Variants in LIPA observed in about 807,000 individuals in gnomAD.
The protein encoded by LIPA is lipase A, lysosomal acid type.
Under a neutral mutation model 40.6 loss-of-function variants are expected in LIPA, and 26 were observed. The ratio of observed to expected loss-of-function variants is 0.64; its 90% CI spans 0.47 to 0.89. The LOEUF (loss-of-function observed/expected upper bound fraction) is 0.89. Ranked by LOEUF, LIPA falls within the 40% of genes least tolerant of loss-of-function variation. The pLI, the probability that LIPA is intolerant of heterozygous loss-of-function variation, is 0.00. For synonymous variants in LIPA, 188 were observed against 168.4 expected (o/e 1.12, Z -0.90); for missense variants, 455 against 479.6 (o/e 0.95, Z 0.48).
chr10:89,393,103 G>A lies in LIPA; in HGVS notation c.61+19688C>T. 13 of 1,293,226 alleles carry A rather than the reference G, an allele frequency of 1.0e-5. No individual in the cohort carries two copies. In the South Asian group the frequency reaches 1.6e-4, roughly 16 times the overall value. 80.1% of individuals were successfully genotyped at this position (1,293,226 alleles called of 1,614,324 possible). ...TGTCTGAGTAGAGGCATTGCTTTCT[G>A]CAGGTTCTTTACCACAGAGAAAAAG... On this transcript the variant is annotated intron_variant, in intron 2 of 8. Transcript: ENST00000371837.
intron 1 of LIPA, among the ~76,000 whole-genome samples, chr10:89,332,178 A>T (rs1335518006): frequency 6.6e-6 from 1 of 152,220 alleles, no homozygotes; most frequent in African/African-American, 2.4e-5. Flanking sequence ...TTGCAGTGAG[A>T]CTAGGGAGTC....
At chr10:89,379,813 T>C (rs1428153178) in intron 2 of LIPA, among the ~76,000 whole-genome samples, 3 of 152,006 alleles carry the variant, frequency 2.0e-5, no homozygotes, top group Non-Finnish European at 2.9e-5. Flanking sequence ...GATGGGCAGA[T>C]CACGAGGTCA....
intron 3 of LIPA, among the ~76,000 whole-genome samples, chr10:89,243,258 G>A (rs1194533301): frequency 6.6e-6 from 1 of 152,180 alleles, no homozygotes; most frequent in East Asian, 1.9e-4. Context: ...TTTAGAATGT[G>A]GAAATGCAAA....
chr10:89,341,866 G>A (rs1457147903), intron 1 of LIPA, among the ~76,000 whole-genome samples: 2 of 152,176 alleles, frequency 1.3e-5, no homozygotes, highest in African/African-American at 4.8e-5. Context: ...ACCGTATTAA[G>A]AGGCTAACAT....
intron 1 of LIPA, among the ~76,000 whole-genome samples, chr10:89,257,115 G>A (rs1342601406): frequency 3.3e-5 from 5 of 152,192 alleles, no homozygotes; most frequent in Non-Finnish European, 7.4e-5. Flanking sequence ...AATAACAAGG[G>A]TGGCATTGGT....
At chr10:89,291,105 T>C (rs1843372021) in intron 1 of LIPA, among the ~76,000 whole-genome samples, 1 of 152,134 alleles carries the variant, frequency 6.6e-6, no homozygotes, top group Non-Finnish European at 1.5e-5. Context: ...TCTCCTTTCT[T>C]TGTTCTTTTT....
chr10:89,332,636 TC>T, intron 1 of LIPA: 1 of 1,613,698 alleles, frequency 6.2e-7, no homozygotes, highest in African/African-American at 1.3e-5. Flanking sequence ...AGGTAAATAG[TC>T]CCTGCTTCTC....
At chr10:89,358,104 C>T (rs924697989) in intron 2 of LIPA, among the ~76,000 whole-genome samples, 3 of 152,108 alleles carry the variant, frequency 2.0e-5, no homozygotes, top group Non-Finnish European at 2.9e-5. Context: ...CTGCCTGCTG[C>T]GAAGAGGTCT....
At chr10:89,346,061 A>G (rs1843918459), upstream of LIPA, among the ~76,000 whole-genome samples, 1 of 152,234 alleles carries the variant, frequency 6.6e-6, no homozygotes, top group Admixed American at 6.5e-5. Flanking sequence ...ATATCTGTGA[A>G]GGAATTGGTA....
intron 8 of LIPA, among the ~76,000 whole-genome samples, chr10:89,222,011 C>T (rs879568885): frequency 1.3e-5 from 2 of 152,064 alleles, no homozygotes; most frequent in African/African-American, 4.8e-5. Context: ...AGTCAGGGGC[C>T]CCCATTCACA....
chr10:89,218,415 G>T (rs1284974595), intron 8 of LIPA, among the ~76,000 whole-genome samples: 1 of 152,174 alleles, frequency 6.6e-6, no homozygotes, highest in African/African-American at 2.4e-5. Flanking sequence ...TTTAGTTACT[G>T]ACCCGGAAAG....
At chr10:89,336,512 G>A (rs188596456) in intron 1 of LIPA, among the ~76,000 whole-genome samples, 1 of 152,294 alleles carries the variant, frequency 6.6e-6, no homozygotes, top group Admixed American at 6.5e-5. Context: ...AAGTATAATA[G>A]ATCAGTACAC....
chr10:89,228,541 C>A lies in LIPA; in HGVS notation c.230-143G>T, dbSNP rs572469964. 994 of 785,776 alleles carry A rather than the reference C, an allele frequency of 1.3e-3. 17 individuals are homozygous for A. The South Asian group carries it at 0.015, about 12-fold the overall frequency. The allele number at this position is 785,776 out of a possible 1,614,324, so 48.7% of individuals were successfully genotyped here. A position where few individuals can be genotyped will look rare whatever the true frequency, so the allele number is the denominator to read the frequency against. Reference sequence around the variant, plus strand: ...TGAAAGATTGACATAGTGATGTACTCACATATAATGTTAGTAAAGAATTTT... The same window carrying A: ...TGAAAGATTGACATAGTGATGTACTAACATATAATGTTAGTAAAGAATTTT... On this transcript the variant is annotated intron_variant, in intron 3 of 9. Transcript: ENST00000336233.
chr10:89,354,051 C>A (rs1338369636), intron 2 of LIPA, among the ~76,000 whole-genome samples: 2 of 152,188 alleles, frequency 1.3e-5, no homozygotes, highest in Non-Finnish European at 2.9e-5. Context: ...CTCAATCTCT[C>A]TCTTTGCCTT....
rs573015904 is a variant in LIPA at position 89,243,907 on chromosome 10, T to C, written c.229+1769A>G. ...ATTCACGTTACTAATTAATCAACTA[T>C]AATTTTAAGAAAAATAATATAAAGC... On this transcript the variant is annotated intron_variant, in intron 3 of 9. Coordinates refer to ENST00000336233, the MANE Select transcript of LIPA (RefSeq NM_000235.4). 9.8e-5 allele frequency among the ~76,000 whole-genome samples: 15 copies of C among 152,294 alleles called. No homozygotes were observed. The East Asian group carries it at 2.9e-3, about 29-fold the overall frequency.
intron 2 of LIPA, among the ~76,000 whole-genome samples, chr10:89,379,891 C>T (rs1033319812): frequency 2.0e-5 from 3 of 151,944 alleles, no homozygotes; most frequent in Non-Finnish European, 4.4e-5. Context: ...AAAAATTAGC[C>T]GGGAGTGGTG....
At chr10:89,238,481 C>G (rs951177076) in intron 3 of LIPA, among the ~76,000 whole-genome samples, 1 of 152,132 alleles carries the variant, frequency 6.6e-6, no homozygotes, top group Non-Finnish European at 1.5e-5. Flanking sequence ...AGAAACATTT[C>G]TAGGGAAATG....
chr10:89,298,495 A>G (rs1452407498), intron 1 of LIPA, among the ~76,000 whole-genome samples: 1 of 152,226 alleles, frequency 6.6e-6, no homozygotes, highest in East Asian at 1.9e-4. Flanking sequence ...CTCAACCAAT[A>G]TTGTTGATAT....
chr10:89,301,377 C>T (rs993752431), intron 1 of LIPA, among the ~76,000 whole-genome samples: 3 of 152,206 alleles, frequency 2.0e-5, no homozygotes, highest in African/African-American at 4.8e-5. Flanking sequence ...ATAACTGCTC[C>T]TTACAGTGGC....
Sources: allele counts gnomAD v4.1 joint callset (sites outside exome capture counted in the v4.1 genomes callset), GRCh38; gene constraint gnomAD v4.1.1; transcripts MANE v1.5; gene names NCBI Gene and HGNC (gene_info 2026-07-23, HGNC 2026-07-21).